MALRD1: variants seen among roughly 807,000 people sequenced by gnomAD.
The protein encoded by MALRD1 is MAM and LDL receptor class A domain containing 1, also known as MAM and LDL-receptor class A domain-containing protein 1.
A neutral mutation model predicts 242.1 loss-of-function variants in MALRD1; 247 were observed. That is an observed-to-expected ratio of 1.02 (90% CI 0.92 to 1.13). MALRD1 has a LOEUF of 1.13. Among genes scored for constraint, MALRD1 ranks in the 50% most tolerant of loss-of-function variants. MALRD1 has a pLI of 0.00. For synonymous variants in MALRD1, 995 were observed against 866.6 expected, an observed-to-expected ratio of 1.15 and a Z score of -2.60; for missense variants, 2,989 against 2,533.1, an observed-to-expected ratio of 1.18 and a Z score of -3.86.
At chr10:19,291,316 GACC>G (rs1841411597) in intron 21 of MALRD1, 1 of 152,192 alleles carries the variant, frequency 6.6e-6, no homozygotes, top group East Asian at 1.9e-4. Flanking sequence ...GGAGATTAAA[GACC>G]ACTGAAAATT....
At chr10:19,405,830 A>T (rs543117695) in intron 28 of MALRD1, among the ~76,000 whole-genome samples, 7 of 150,028 alleles carry the variant, frequency 4.7e-5, no homozygotes, top group African/African-American at 1.7e-4. Flanking sequence ...CTCACTAAAC[A>T]TAGGGATTAC....
At chr10:19,145,640 C>T (rs1355622223) in intron 10 of MALRD1, among the ~76,000 whole-genome samples, 2 of 139,804 alleles carry the variant, frequency 1.4e-5, no homozygotes, top group East Asian at 4.0e-4. Flanking sequence ...GGTGACAGAG[C>T]GAGACTCTGC....
chr10:19,220,893 C>T (rs1837529474), intron 18 of MALRD1, among the ~76,000 whole-genome samples: 1 of 152,170 alleles, frequency 6.6e-6, no homozygotes, highest in African/African-American at 2.4e-5. Flanking sequence ...CCCACTTTCT[C>T]CTAACATGGC....
chr10:19,218,812 A>G (rs1295006706), intron 18 of MALRD1, among the ~76,000 whole-genome samples: 2 of 152,252 alleles, frequency 1.3e-5, no homozygotes, highest in Middle Eastern at 3.4e-3. Context: ...ATAATCACAT[A>G]TTAAATAAGA....
chr10:19,078,886 A>G (rs1270471459), intron 2 of MALRD1, among the ~76,000 whole-genome samples: 1 of 151,674 alleles, frequency 6.6e-6, no homozygotes, highest in Non-Finnish European at 1.5e-5. Flanking sequence ...TCATTTTAGT[A>G]AATTGAGTTT....
At chr10:19,559,130 C>A (rs761615693) in intron 32 of MALRD1, among the ~76,000 whole-genome samples, 4 of 151,822 alleles carry the variant, frequency 2.6e-5, no homozygotes, top group Non-Finnish European at 5.9e-5. Context: ...TTGCAGTGAG[C>A]CGAGATAGTA....
chr10:19,692,851 T>TA (rs1833152620), intron 38 of MALRD1, among the ~76,000 whole-genome samples: 1 of 108,670 alleles, frequency 9.2e-6, no homozygotes, highest in South Asian at 3.1e-4. Context: ...TATATGAAAT[T>TA]TATATATAGA....
At chr10:19,733,730 A>G (rs911717471) in intron 39 of MALRD1, among the ~76,000 whole-genome samples, 6 of 148,660 alleles carry the variant, frequency 4.0e-5, no homozygotes, top group Non-Finnish European at 8.9e-5. Flanking sequence ...TATAATATAT[A>G]TAATTATAGT....
In MALRD1 at chr10:19,069,657, A is replaced by T. The variant is rs552018486; in HGVS notation, c.340+2798A>T. On this transcript the variant is annotated intron_variant, in intron 2 of 39. Transcript: ENST00000454679. ...CATTCTTGAAATGTTTTCCTACTGGATATATATTTTTTCATGGTCTTTTTT... is the reference window on the plus strand; with the variant it reads ...CATTCTTGAAATGTTTTCCTACTGGTTATATATTTTTTCATGGTCTTTTTT... Among the ~76,000 whole-genome samples the T allele has an allele frequency of 2.0e-5, 3 of 151,200 alleles. No homozygotes were observed. The South Asian group carries it at 6.3e-4, about 32-fold the overall frequency.
At chr10:19,524,262 G>A (rs1428310215) in intron 31 of MALRD1, among the ~76,000 whole-genome samples, 1 of 152,106 alleles carries the variant, frequency 6.6e-6, no homozygotes, top group Non-Finnish European at 1.5e-5. Context: ...GATCACCTGA[G>A]GTCAGGAGTT....
chr10:19,317,814 C>T (rs1396081070), intron 21 of MALRD1, among the ~76,000 whole-genome samples: 1 of 152,020 alleles, frequency 6.6e-6, no homozygotes, highest in East Asian at 1.9e-4. Flanking sequence ...AAGACCTAGG[C>T]AACTTTTGTG....
At chr10:19,598,819 A>G (rs1313783289) in intron 34 of MALRD1, among the ~76,000 whole-genome samples, 1 of 152,162 alleles carries the variant, frequency 6.6e-6, no homozygotes, top group African/African-American at 2.4e-5. Context: ...AAGACTGTTT[A>G]GAAAAAGCAG....
intron 18 of MALRD1, among the ~76,000 whole-genome samples, chr10:19,236,783 A>T (rs1297281832): frequency 6.6e-6 from 1 of 152,126 alleles, no homozygotes; most frequent in Non-Finnish European, 1.5e-5. Flanking sequence ...ATCTAAAAGC[A>T]GAGTTCACCT....
intron 26 of MALRD1, among the ~76,000 whole-genome samples, chr10:19,371,092 TA>T (rs759092754): frequency 0.019 from 2,321 of 123,728 alleles, 70 homozygotes; most frequent in African/African-American, 0.065. Context: ...TCTACGAAAT[TA>T]AAAAAAAAAA....
chr10:19,068,566 T>A (rs1367279813), intron 2 of MALRD1, among the ~76,000 whole-genome samples: 1 of 152,138 alleles, frequency 6.6e-6, no homozygotes, highest in African/African-American at 2.4e-5. Context: ...AAATATTGCC[T>A]GCATAACTAA....
chr10:19,382,097 T>A (rs987073644), intron 26 of MALRD1, among the ~76,000 whole-genome samples: 14 of 152,142 alleles, frequency 9.2e-5, no homozygotes, highest in Admixed American at 6.6e-5. Context: ...CAAGAATGTG[T>A]CTGTTCTCTT....
intron 29 of MALRD1, among the ~76,000 whole-genome samples, chr10:19,477,700 G>T (rs1836804463): frequency 6.6e-6 from 1 of 152,164 alleles, no homozygotes; most frequent in Admixed American, 6.5e-5. Context: ...TTCTAGTTTT[G>T]TGATGAAATG....
At chr10:19,174,353 C>T (rs1164322307) in intron 13 of MALRD1, among the ~76,000 whole-genome samples, 1 of 152,104 alleles carries the variant, frequency 6.6e-6, no homozygotes, top group Non-Finnish European at 1.5e-5. Context: ...ATAGCATGTT[C>T]TGACTCCAAG....
intron 18 of MALRD1, among the ~76,000 whole-genome samples, chr10:19,240,168 A>G (rs1045119448): frequency 1.3e-5 from 2 of 151,988 alleles, no homozygotes; most frequent in Non-Finnish European, 2.9e-5. Context: ...AAATTTTTCC[A>G]TCAGTGTGTT....
Sources: gnomAD v4.1 joint callset for allele counts (sites outside exome capture counted in the v4.1 genomes callset) on GRCh38, gnomAD v4.1.1 for gene constraint, MANE v1.5 for transcripts, NCBI Gene and HGNC (gene_info 2026-07-23, HGNC 2026-07-21) for gene names.